The following SIL1 variants were observed in gnomAD, a reference collection of about 807,000 sequenced individuals.
SIL1 encodes the protein SIL1 nucleotide exchange factor, also known as nucleotide exchange factor SIL1.
A neutral mutation model predicts 49.1 loss-of-function variants in SIL1; 40 were observed. That is an observed-to-expected ratio of 0.81 (90% confidence interval 0.63 to 1.06). SIL1 has a LOEUF of 1.06. Ranked by LOEUF, SIL1 falls within the 50% of genes least tolerant of loss-of-function variation. SIL1 has a pLI of 0.00. For missense variants in SIL1, 500 were observed against 572.6 expected (o/e 0.87, Z 1.29); for synonymous variants, 253 against 250.8 (o/e 1.01, Z -0.08).
At chr5:139,196,571 G>A (rs1287232023) in intron 1 of SIL1, 2 of 152,230 alleles carry the variant, frequency 1.3e-5, no homozygotes, top group East Asian at 3.8e-4. Flanking sequence ...GGGAATCAAA[G>A]TACTAGGCAA....
chr5:138,996,594 A>C (rs546291052), intron 7 of SIL1, among the ~76,000 whole-genome samples: 1 of 129,816 alleles, frequency 7.7e-6, no homozygotes, highest in South Asian at 2.3e-4. Context: ...ATCTCGGCTT[A>C]CTGCAATCTC....
At chr5:139,130,731 T>A (rs1750847481) in intron 1 of SIL1, among the ~76,000 whole-genome samples, 1 of 152,168 alleles carries the variant, frequency 6.6e-6, no homozygotes, top group Non-Finnish European at 1.5e-5. Flanking sequence ...ACAATCCAAG[T>A]GCCATCAAAA....
chr5:139,075,821 A>G (rs528480707), intron 3 of SIL1, among the ~76,000 whole-genome samples: 92 of 152,352 alleles, frequency 6.0e-4, no homozygotes, highest in African/African-American at 2.1e-3. Flanking sequence ...AGAATCTGCA[A>G]TGACCTTTCA....
chr5:138,994,340 TA>T (rs1230706477), intron 7 of SIL1, among the ~76,000 whole-genome samples: 4 of 152,130 alleles, frequency 2.6e-5, no homozygotes, highest in Non-Finnish European at 4.4e-5. Flanking sequence ...AATTATAAAA[TA>T]AAAACTTGAA....
intron 5 of SIL1, among the ~76,000 whole-genome samples, chr5:139,033,680 C>G (rs1178074048): frequency 1.3e-5 from 2 of 151,810 alleles, no homozygotes; most frequent in Non-Finnish European, 2.9e-5. Flanking sequence ...AATGAGAGAA[C>G]ATACTCTGCC....
chr5:139,130,920 C>T (rs1230433763), intron 1 of SIL1, among the ~76,000 whole-genome samples: 1 of 152,050 alleles, frequency 6.6e-6, no homozygotes, highest in East Asian at 1.9e-4. Context: ...TTAGAACAGA[C>T]AAATTCATTT....
intron 7 of SIL1, among the ~76,000 whole-genome samples, chr5:139,008,188 G>T (rs1405947773): frequency 6.6e-6 from 1 of 151,436 alleles, no homozygotes; most frequent in South Asian, 2.1e-4. Flanking sequence ...GTTTAGTCTT[G>T]GGAGAGTGTA....
chr5:138,967,145 C>G (rs992497680), intron 7 of SIL1, among the ~76,000 whole-genome samples: 1 of 152,146 alleles, frequency 6.6e-6, no homozygotes, highest in Non-Finnish European at 1.5e-5. Flanking sequence ...TTCTTTCCTC[C>G]CTTGGGCCCT....
chr5:139,067,481 C>T (rs937736987), intron 3 of SIL1, among the ~76,000 whole-genome samples: 2 of 152,118 alleles, frequency 1.3e-5, no homozygotes, highest in East Asian at 3.9e-4. Flanking sequence ...CAAGTATTTC[C>T]TAGTTCATCA....
chr5:139,019,700 G>C (rs540526218), intron 7 of SIL1, among the ~76,000 whole-genome samples: 1 of 152,110 alleles, frequency 6.6e-6, no homozygotes, highest in Non-Finnish European at 1.5e-5. Flanking sequence ...CTTTAACTAG[G>C]ATGTGACATG....
chr5:138,984,094 A>G (rs1053300497), intron 7 of SIL1, among the ~76,000 whole-genome samples: 4 of 152,226 alleles, frequency 2.6e-5, no homozygotes, highest in African/African-American at 9.6e-5. Context: ...AAGGCACTGA[A>G]TAAGATCTCC....
chr5:139,163,733 TG>T (rs755238169), intron 1 of SIL1, among the ~76,000 whole-genome samples: 43 of 152,340 alleles, frequency 2.8e-4, no homozygotes, highest in Non-Finnish European at 5.1e-4. Context: ...CTGTACTAAA[TG>T]TATTAAATAT....
chr5:139,137,122 T>C (rs1750989794), intron 1 of SIL1, among the ~76,000 whole-genome samples: 2 of 152,154 alleles, frequency 1.3e-5, no homozygotes, highest in Admixed American at 1.3e-4. Context: ...TGCCACCCCT[T>C]CCCCCAGCAT....
chr5:138,985,390 G>A (rs183261251), intron 7 of SIL1, among the ~76,000 whole-genome samples: 2 of 152,240 alleles, frequency 1.3e-5, no homozygotes, highest in Non-Finnish European at 2.9e-5. Context: ...CTTCCTTCAG[G>A]CTGACTCCTG....
At chr5:139,111,017 G>A (rs534900530) in intron 3 of SIL1, among the ~76,000 whole-genome samples, 1 of 152,224 alleles carries the variant, frequency 6.6e-6, no homozygotes, top group Non-Finnish European at 1.5e-5. Context: ...ACTCAAGGAA[G>A]TCAACAAACC....
intron 7 of SIL1, chr5:139,013,892 C>T (rs939950501): frequency 2.6e-5 from 4 of 152,154 alleles, no homozygotes; most frequent in Admixed American, 2.0e-4. Context: ...CCTCCTTGCT[C>T]TTGGTGGCTT....
intron 5 of SIL1, among the ~76,000 whole-genome samples, chr5:139,028,222 G>A (rs1162667438): frequency 1.3e-5 from 2 of 151,880 alleles, no homozygotes; most frequent in African/African-American, 2.4e-5. Context: ...GGTTTTGGCC[G>A]GGCACAGTGG....
intron 1 of SIL1, among the ~76,000 whole-genome samples, chr5:139,145,687 C>A (rs1751183447): frequency 1.6e-5 from 2 of 126,764 alleles, no homozygotes; most frequent in Admixed American, 1.7e-4. Context: ...TGTGTATTTC[C>A]AATGGAATAT....
intron 3 of SIL1, among the ~76,000 whole-genome samples, chr5:139,073,869 C>T (rs1463529295): frequency 6.6e-6 from 1 of 151,230 alleles, no homozygotes; most frequent in Non-Finnish European, 1.5e-5. Flanking sequence ...CATTGCACTC[C>T]AGCCTGGGCA....
Sources: allele counts gnomAD v4.1 joint callset (sites outside exome capture counted in the v4.1 genomes callset), GRCh38; gene constraint gnomAD v4.1.1; transcripts MANE v1.5; gene names NCBI Gene and HGNC (gene_info 2026-07-23, HGNC 2026-07-21).